The following ESYT2 variants were observed in gnomAD, a reference collection of about 807,000 sequenced individuals.
The protein encoded by ESYT2 is extended synaptotagmin 2.
A neutral mutation model predicts 107.2 loss-of-function variants in ESYT2; 54 were observed. The ratio of observed to expected loss-of-function variants is 0.50; its 90% CI spans 0.40 to 0.63. ESYT2 has a LOEUF of 0.63. ESYT2 is among the 30% of genes least tolerant of loss of function. The probability of loss-of-function intolerance (pLI) is 0.00; values close to 1 mark genes in which losing one functional copy is unlikely to be tolerated. For synonymous variants in ESYT2, 491 were observed against 434.1 expected (o/e 1.13, Z -1.63); for missense variants, 1,020 against 1,094.5 (o/e 0.93, Z 0.96).
intron 1 of ESYT2, among the ~76,000 whole-genome samples, chr7:158,821,149 A>C (rs1249454754): frequency 2.0e-5 from 3 of 152,246 alleles, no homozygotes; most frequent in Non-Finnish European, 4.4e-5. Flanking sequence ...GACAGGAAGA[A>C]AGACTCTGGA....
At chr7:158,781,754 G>A (rs1470343759) in intron 6 of ESYT2, among the ~76,000 whole-genome samples, 1 of 151,968 alleles carries the variant, frequency 6.6e-6, no homozygotes, top group East Asian at 1.9e-4. Flanking sequence ...AACAAAGTGT[G>A]AGAGATGTGA....
chr7:158,795,587 C>T (rs13238497), intron 3 of ESYT2, among the ~76,000 whole-genome samples: 2 of 115,430 alleles, frequency 1.7e-5, no homozygotes, highest in Admixed American at 7.5e-5. Flanking sequence ...CCTGCGGCCA[C>T]GTACAGACAG....
intron 6 of ESYT2, among the ~76,000 whole-genome samples, chr7:158,783,035 T>C (rs554923026): frequency 1.1e-4 from 16 of 152,234 alleles, no homozygotes; most frequent in South Asian, 4.1e-4. Context: ...TCCTTCCCCA[T>C]GGACACGTGC....
intron 13 of ESYT2, 126 bp downstream of exon 13, chr7:158,759,360 G>C (rs183575119): frequency 9.2e-4 from 633 of 688,866 alleles, no homozygotes; most frequent in Non-Finnish European, 1.2e-3. Context: ...TCCTGCACTT[G>C]GACGTGAAGT....
chr7:158,818,315 A>C (rs746825), intron 1 of ESYT2, among the ~76,000 whole-genome samples: 102,516 of 152,144 alleles, frequency 0.67, 36,208 homozygotes, highest in Non-Finnish European at 0.78. Flanking sequence ...AAATCAAGGC[A>C]AGGAAGAGGA....
In ESYT2 at chr7:158,810,013, A is replaced by AT. The variant is rs1213755998; in HGVS notation, c.331-10942dup. ...CTACGTTAAACTTAATTTGTCTGAG[A>AT]TTTTCCTTTTAACAACAAGTTTTGA... On this transcript the variant is annotated intron_variant, in intron 1 of 22. Transcript: ENST00000275418. 5.3e-5 allele frequency among the ~76,000 whole-genome samples: 8 copies of AT among 152,314 alleles called. No homozygotes were observed. The East Asian group carries it at 1.3e-3, about 26-fold the overall frequency.
chr7:158,735,805 C>T (rs939748838), intron 20 of ESYT2, among the ~76,000 whole-genome samples, 197 bp from the exon 21 acceptor site: 1 of 152,158 alleles, frequency 6.6e-6, no homozygotes, highest in African/African-American at 2.4e-5. Flanking sequence ...ATTTCCCACA[C>T]ATAAAAGAAG....
intron 20 of ESYT2, among the ~76,000 whole-genome samples, chr7:158,735,810 A>C (rs1339638531): frequency 6.6e-6 from 1 of 152,106 alleles, no homozygotes; most frequent in Non-Finnish European, 1.5e-5. Context: ...CCACACATAA[A>C]AGAAGGCTCT....
At chr7:158,754,171 T>A (rs1467570098) in intron 13 of ESYT2, among the ~76,000 whole-genome samples, 1 of 152,090 alleles carries the variant, frequency 6.6e-6, no homozygotes, top group Non-Finnish European at 1.5e-5. Flanking sequence ...CAGGAAGCAG[T>A]GGGAGCCACC....
chr7:158,737,859 T>C (rs1408638073), intron 19 of ESYT2, among the ~76,000 whole-genome samples: 1 of 152,134 alleles, frequency 6.6e-6, no homozygotes, highest in Non-Finnish European at 1.5e-5. Context: ...ACAGAGAAAA[T>C]TGCATAAAAG....
At chr7:158,781,201 G>A (rs1310930923) in intron 6 of ESYT2, among the ~76,000 whole-genome samples, 1 of 152,096 alleles carries the variant, frequency 6.6e-6, no homozygotes, top group South Asian at 2.1e-4. Flanking sequence ...ACAAGTATGA[G>A]TGAACAAGTG....
At chr7:158,794,315 A>G (rs1322678374) in intron 3 of ESYT2, among the ~76,000 whole-genome samples, 2 of 152,232 alleles carry the variant, frequency 1.3e-5, no homozygotes, top group Admixed American at 1.3e-4. Context: ...CAACATGGTT[A>G]AAACCCTATC....
At chr7:158,778,481 G>GT (rs1168556219) in intron 6 of ESYT2, among the ~76,000 whole-genome samples, 4 of 150,588 alleles carry the variant, frequency 2.7e-5, no homozygotes, top group Non-Finnish European at 5.9e-5. Context: ...AAAGATAAAT[G>GT]TAACTAGTTG....
chr7:158,782,026 TAAGTGC>T (rs998581669), intron 6 of ESYT2, among the ~76,000 whole-genome samples: 8 of 150,766 alleles, frequency 5.3e-5, no homozygotes, highest in Admixed American at 3.3e-4. Context: ...AAGTGAGGTG[TAAGTGC>T]AAGAACGAGA....
chr7:158,757,754 GTTTTT>G (rs67853250), intron 13 of ESYT2, among the ~76,000 whole-genome samples: 1 of 76,506 alleles, frequency 1.3e-5, no homozygotes, highest in East Asian at 2.2e-4. Context: ...GTCTCTCTGG[GTTTTT>G]TTTTTTTTGT....
At chr7:158,799,739 C>A (rs954087971) in intron 1 of ESYT2, among the ~76,000 whole-genome samples, 1 of 152,186 alleles carries the variant, frequency 6.6e-6, no homozygotes, top group African/African-American at 2.4e-5. Flanking sequence ...GGCTCCTCTC[C>A]ATACCATCAT....
intron 1 of ESYT2, among the ~76,000 whole-genome samples, chr7:158,806,212 G>T (rs1839830771): frequency 6.6e-6 from 1 of 152,228 alleles, no homozygotes; most frequent in African/African-American, 2.4e-5. Flanking sequence ...CTCACTGTTT[G>T]CAACACTTCA....
chr7:158,827,005 A>G (rs1396850670), intron 1 of ESYT2, among the ~76,000 whole-genome samples: 2 of 149,924 alleles, frequency 1.3e-5, no homozygotes, highest in South Asian at 2.1e-4. Flanking sequence ...TCTACTAAAA[A>G]TACAAAGATT....
chr7:158,814,368 C>T (rs1429822999), intron 1 of ESYT2, among the ~76,000 whole-genome samples: 2 of 135,942 alleles, frequency 1.5e-5, no homozygotes, highest in African/African-American at 2.8e-5. Context: ...CCTTACTCGT[C>T]CAGATGACTC....
Sources: gnomAD v4.1 joint callset for allele counts (sites outside exome capture counted in the v4.1 genomes callset) on GRCh38, gnomAD v4.1.1 for gene constraint, MANE v1.5 for transcripts, NCBI Gene and HGNC (gene_info 2026-07-23, HGNC 2026-07-21) for gene names.